MEOX2: variants seen among roughly 807,000 people sequenced by gnomAD.
The protein encoded by MEOX2 is homeobox protein MOX-2.
MEOX2 carries 11 observed loss-of-function variants against 27.0 expected under a neutral mutation model. The ratio of observed to expected loss-of-function variants is 0.41; its 90% CI spans 0.26 to 0.68. The LOEUF (loss-of-function observed/expected upper bound fraction) is 0.68. Ranked by LOEUF, MEOX2 falls within the 30% of genes least tolerant of loss-of-function variation. The pLI, the probability that MEOX2 is intolerant of heterozygous loss-of-function variation, is 0.33. For missense variants in MEOX2, 436 were observed against 385.4 expected, an observed-to-expected ratio of 1.13 and a Z score of -1.10; for synonymous variants, 189 against 155.4, an observed-to-expected ratio of 1.22 and a Z score of -1.61.
chr7:15,613,373 A>T (rs1781063655), intron 2 of MEOX2, among the ~76,000 whole-genome samples: 1 of 131,656 alleles, frequency 7.6e-6, no homozygotes, highest in Non-Finnish European at 1.6e-5. Flanking sequence ...TATATATTTA[A>T]ATAACATATA....
chr7:15,620,674 T>G (rs185859810), intron 2 of MEOX2, among the ~76,000 whole-genome samples: 322 of 152,322 alleles, frequency 2.1e-3, no homozygotes, highest in African/African-American at 7.5e-3. Context: ...AAATGATAGC[T>G]ATTTTGAAAA....
At chr7:15,619,267 C>A (rs545227179) in intron 2 of MEOX2, among the ~76,000 whole-genome samples, 40 of 151,894 alleles carry the variant, frequency 2.6e-4, no homozygotes, top group African/African-American at 7.5e-4. Flanking sequence ...CTTATGGATG[C>A]AAGAATAGTG....
At chr7:15,670,661 T>C (rs546823419) in intron 1 of MEOX2, among the ~76,000 whole-genome samples, 9 of 152,332 alleles carry the variant, frequency 5.9e-5, no homozygotes, top group Non-Finnish European at 1.3e-4. Flanking sequence ...TAAATTTACA[T>C]AGCAACATGT....
chr7:15,654,017 T>C (rs1029808685), intron 1 of MEOX2, among the ~76,000 whole-genome samples: 1 of 151,938 alleles, frequency 6.6e-6, no homozygotes, highest in African/African-American at 2.4e-5. Context: ...ATCTTTACTA[T>C]GTTAAATTTT....
At chr7:15,613,948 G>GCTAT (rs1781076520) in intron 2 of MEOX2, among the ~76,000 whole-genome samples, 1 of 151,810 alleles carries the variant, frequency 6.6e-6, no homozygotes, top group South Asian at 2.1e-4. Flanking sequence ...TATGGCTGCT[G>GCTAT]CTATCTATCT....
intron 1 of MEOX2, among the ~76,000 whole-genome samples, chr7:15,636,352 T>C (rs1346354155): frequency 6.6e-6 from 1 of 152,004 alleles, no homozygotes; most frequent in African/African-American, 2.4e-5. Context: ...GGTTTCAAAG[T>C]ATAATAAACA....
intron 1 of MEOX2, among the ~76,000 whole-genome samples, chr7:15,657,235 C>A (rs1181201417): frequency 6.6e-6 from 1 of 152,014 alleles, no homozygotes; most frequent in Non-Finnish European, 1.5e-5. Flanking sequence ...ATGTCTTTTG[C>A]TAAATTTGGA....
At chr7:15,658,099 C>A (rs1313900101) in intron 1 of MEOX2, among the ~76,000 whole-genome samples, 1 of 152,206 alleles carries the variant, frequency 6.6e-6, no homozygotes, top group African/African-American at 2.4e-5. Context: ...TAGGTGGAGT[C>A]GTCCTCGTTA....
intron 2 of MEOX2, among the ~76,000 whole-genome samples, chr7:15,616,649 T>G (rs1311882795): frequency 6.6e-6 from 1 of 151,968 alleles, no homozygotes; most frequent in African/African-American, 2.4e-5. Flanking sequence ...GCCTAAAATT[T>G]TATTTACTAA....
At chr7:15,618,941 G>T in intron 2 of MEOX2, among the ~76,000 whole-genome samples, 1 of 152,064 alleles carries the variant, frequency 6.6e-6, no homozygotes, top group Non-Finnish European at 1.5e-5. Flanking sequence ...AATTGGAAGT[G>T]ACAAAGGGAT....
chr7:15,620,041 A>G (rs1247460091), intron 2 of MEOX2, among the ~76,000 whole-genome samples: 1 of 152,068 alleles, frequency 6.6e-6, no homozygotes, highest in Non-Finnish European at 1.5e-5. Context: ...CAATACTGTC[A>G]ATATGTATTT....
intron 1 of MEOX2, among the ~76,000 whole-genome samples, chr7:15,661,607 A>G (rs1055662222): frequency 6.6e-6 from 1 of 152,214 alleles, no homozygotes; most frequent in Non-Finnish European, 1.5e-5. Context: ...AAATATGATC[A>G]GCCATTTCAA....
intron 1 of MEOX2, among the ~76,000 whole-genome samples, chr7:15,684,063 C>T (rs955397729): frequency 3.3e-5 from 5 of 151,986 alleles, no homozygotes; most frequent in South Asian, 2.1e-4. Flanking sequence ...TATTGAATTC[C>T]GTTTTCTCAG....
At chr7:15,651,395 C>G (rs1474849599) in intron 1 of MEOX2, among the ~76,000 whole-genome samples, 2 of 151,888 alleles carry the variant, frequency 1.3e-5, no homozygotes, top group African/African-American at 4.8e-5. Flanking sequence ...AAGAAATTTT[C>G]TCTGATAAAA....
intron 1 of MEOX2, among the ~76,000 whole-genome samples, chr7:15,661,707 TA>T (rs1394354134): frequency 4.6e-5 from 7 of 152,154 alleles, no homozygotes; most frequent in African/African-American, 1.7e-4. Flanking sequence ...ATATGGCTGG[TA>T]ACGATTAGGG....
chr7:15,627,619 CACA>C (rs1433981690), intron 1 of MEOX2, among the ~76,000 whole-genome samples: 1 of 151,840 alleles, frequency 6.6e-6, no homozygotes, highest in African/African-American at 2.4e-5. Context: ...ATCAGTGATC[CACA>C]ACATCAAATC....
At chr7:15,684,999 T>A (rs1312352593) in intron 1 of MEOX2, among the ~76,000 whole-genome samples, 1 of 152,250 alleles carries the variant, frequency 6.6e-6, no homozygotes, top group African/African-American at 2.4e-5. Flanking sequence ...CTGCTCAAAT[T>A]ATCCCCACTG....
At chr7:15,631,579 T>A (rs958016690) in intron 1 of MEOX2, among the ~76,000 whole-genome samples, 1 of 151,880 alleles carries the variant, frequency 6.6e-6, no homozygotes, top group Admixed American at 6.6e-5. Flanking sequence ...GTTTATAGAC[T>A]TGACTTTTTC....
chr7:15,614,289 C>A (rs2115352044), intron 2 of MEOX2, among the ~76,000 whole-genome samples: 1 of 151,600 alleles, frequency 6.6e-6, no homozygotes. Flanking sequence ...GGCATAGTGC[C>A]TGTAGTCCCA....
Sources: allele counts gnomAD v4.1 joint callset (sites outside exome capture counted in the v4.1 genomes callset), GRCh38; gene constraint gnomAD v4.1.1; transcripts MANE v1.5; gene names NCBI Gene and HGNC (gene_info 2026-07-23, HGNC 2026-07-21).